Variants in NTRK3 observed in about 807,000 individuals in gnomAD.
NTRK3 encodes neurotrophic receptor tyrosine kinase 3.
A neutral mutation model predicts 91.7 loss-of-function variants in NTRK3; 24 were observed. That is an observed-to-expected ratio of 0.26 (90% CI 0.19 to 0.37). The LOEUF is 0.37. Ranked by LOEUF, NTRK3 falls within the 10% of genes least tolerant of loss-of-function variation. The pLI is 1.00. For missense variants in NTRK3, 880 were observed against 1,068.9 expected, an observed-to-expected ratio of 0.82 and a Z score of 2.46; for synonymous variants, 483 against 404.0, an observed-to-expected ratio of 1.20 and a Z score of -2.34.
In NTRK3 at chr15:87,905,412, T is replaced by C. The variant is rs78450306; in HGVS notation, c.2133+23779A>G. Among the ~76,000 whole-genome samples the C allele has an allele frequency of 3.2e-3, 484 of 152,284 alleles. 4 individuals are homozygous for C. Among genetic ancestry groups the C allele is most frequent in the African/African-American group, 0.011 (469 of 41,554 alleles). On this transcript the variant is annotated intron_variant, in intron 17 of 18. Transcript: ENST00000394480. ...GTGATTTGCTTGAAACATAACCTTATCAGGAGGTTACCATATTATGCGTAA... is the reference window on the plus strand; with the variant it reads ...GTGATTTGCTTGAAACATAACCTTACCAGGAGGTTACCATATTATGCGTAA...
At chr15:87,889,036 CT>C (rs1484746830) in intron 17 of NTRK3, among the ~76,000 whole-genome samples, 1 of 152,166 alleles carries the variant, frequency 6.6e-6, no homozygotes, top group African/African-American at 2.4e-5. Context: ...TCCCAGCCTT[CT>C]CCCCCTGTTT....
At chr15:88,207,726 A>G (rs577335298) in intron 3 of NTRK3, among the ~76,000 whole-genome samples, 1 of 129,106 alleles carries the variant, frequency 7.7e-6, no homozygotes, top group South Asian at 2.4e-4. Flanking sequence ...CAGATAAGCC[A>G]AGGCCCCTCC....
chr15:88,128,651 AAT>A lies in NTRK3; in HGVS notation c.1228+58_1228+59del. The A allele has an allele frequency of 1.9e-6, 3 of 1,559,786 alleles. No individual in the cohort carries two copies. The South Asian group carries it at 3.3e-5, about 17-fold the overall frequency. On this transcript the variant is annotated intron_variant, in intron 11 of 18. Transcript: ENST00000394480. Reference sequence around the variant, plus strand: ...ATAGGAGAGAGGGCTATTTGAATTCAATAGTTACCGATAGTATCAGAATAAAT... The same window carrying A: ...ATAGGAGAGAGGGCTATTTGAATTCAAGTTACCGATAGTATCAGAATAAAT...
intron 13 of NTRK3, among the ~76,000 whole-genome samples, chr15:88,111,992 C>T (rs550398593): frequency 6.6e-5 from 10 of 151,594 alleles, no homozygotes; most frequent in Admixed American, 1.3e-4. Flanking sequence ...CTGCAAGCTC[C>T]GCCTCCAAGG....
chr15:88,062,407 A>C (rs923809827), intron 13 of NTRK3, among the ~76,000 whole-genome samples: 1 of 151,930 alleles, frequency 6.6e-6, no homozygotes, highest in Admixed American at 6.6e-5. Flanking sequence ...TACATTTCCC[A>C]CCTCCCCTTG....
chr15:88,222,591 C>G, intron 3 of NTRK3, among the ~76,000 whole-genome samples: 1 of 152,152 alleles, frequency 6.6e-6, no homozygotes, highest in South Asian at 2.1e-4. Flanking sequence ...CTGTGATTTC[C>G]ATTCATAGGT....
intron 14 of NTRK3, among the ~76,000 whole-genome samples, chr15:88,002,552 T>C (rs1324010732): frequency 2.6e-5 from 4 of 152,148 alleles, no homozygotes; most frequent in African/African-American, 9.7e-5. Flanking sequence ...GCTTTAATTC[T>C]TAGGATAGAT....
At chr15:88,127,820 G>A (rs920448892) in intron 11 of NTRK3, among the ~76,000 whole-genome samples, 4 of 152,202 alleles carry the variant, frequency 2.6e-5, no homozygotes, top group Non-Finnish European at 4.4e-5. Flanking sequence ...CCATCTGACC[G>A]GGAAACACCA....
At chr15:88,070,008 C>A (rs1457168782) in intron 13 of NTRK3, among the ~76,000 whole-genome samples, 1 of 152,152 alleles carries the variant, frequency 6.6e-6, no homozygotes, top group Admixed American at 6.5e-5. Flanking sequence ...ATGTTGCAAC[C>A]TCAGCTGCCC....
chr15:88,105,596 G>A (rs905116665), intron 13 of NTRK3, among the ~76,000 whole-genome samples: 2 of 152,122 alleles, frequency 1.3e-5, no homozygotes, highest in Non-Finnish European at 2.9e-5. Context: ...TTTACCAGCA[G>A]GGCTATATCT....
At chr15:87,888,937 T>TC (rs955617371) in intron 17 of NTRK3, among the ~76,000 whole-genome samples, 11 of 152,138 alleles carry the variant, frequency 7.2e-5, no homozygotes, top group Non-Finnish European at 1.5e-4. Context: ...TCTATCTCAC[T>TC]CCTTTTGGCT....
At chr15:88,065,773 A>C (rs928744626) in intron 13 of NTRK3, among the ~76,000 whole-genome samples, 2 of 152,208 alleles carry the variant, frequency 1.3e-5, no homozygotes, top group African/African-American at 4.8e-5. Context: ...ATGTGTACCT[A>C]AAGTTCTCTG....
chr15:88,042,648 T>C (rs2079756962), intron 13 of NTRK3, among the ~76,000 whole-genome samples: 1 of 152,212 alleles, frequency 6.6e-6, no homozygotes, highest in Non-Finnish European at 1.5e-5. Context: ...AGGTATCACT[T>C]GGTGATTGAA....
intron 5 of NTRK3, among the ~76,000 whole-genome samples, chr15:88,162,534 GAACC>G (rs1211590636): frequency 2.1e-4 from 32 of 152,254 alleles, no homozygotes; most frequent in African/African-American, 7.0e-4. Context: ...AGCATGGAGG[GAACC>G]ATCACTGCAG....
At chr15:87,988,362 G>A (rs990519859) in intron 14 of NTRK3, among the ~76,000 whole-genome samples, 11 of 152,172 alleles carry the variant, frequency 7.2e-5, no homozygotes, top group African/African-American at 2.4e-4. Context: ...TTCTGGATGT[G>A]GTCCAGGAAT....
At chr15:88,012,308 A>G (rs978614916) in intron 14 of NTRK3, among the ~76,000 whole-genome samples, 1 of 152,142 alleles carries the variant, frequency 6.6e-6, no homozygotes, top group African/African-American at 2.4e-5. Context: ...ACACAACCTA[A>G]AACACAAACC....
intron 5 of NTRK3, among the ~76,000 whole-genome samples, chr15:88,182,304 A>C (rs955532945): frequency 6.6e-6 from 1 of 152,126 alleles, no homozygotes; most frequent in African/African-American, 2.4e-5. Flanking sequence ...AGGATCCCCC[A>C]AAAAAGAAAA....
exon 18 of NTRK3, chr15:87,880,413 T>C: frequency 6.2e-7 from 1 of 1,614,152 alleles, no homozygotes; most frequent in South Asian, 1.1e-5. Flanking sequence ...ATGGGGAGCA[T>C]GGTGTGTCCT....
chr15:87,992,926 T>C (rs541688903), intron 14 of NTRK3, among the ~76,000 whole-genome samples: 1 of 152,362 alleles, frequency 6.6e-6, no homozygotes, highest in East Asian at 1.9e-4. Context: ...TTCAGAACCA[T>C]GTAATCTGAC....
Sources: allele counts gnomAD v4.1 joint callset (sites outside exome capture counted in the v4.1 genomes callset), GRCh38; gene constraint gnomAD v4.1.1; transcripts MANE v1.5; gene names NCBI Gene and HGNC (gene_info 2026-07-23, HGNC 2026-07-21).